CEP128: variants seen among roughly 807,000 people sequenced by gnomAD.
CEP128 encodes the protein centrosomal protein 128kDa.
In CEP128, 132 loss-of-function variants were observed where a neutral mutation model predicts 156.7. The ratio of observed to expected loss-of-function variants is 0.84; its 90% CI spans 0.73 to 0.97. CEP128 has a LOEUF of 0.97. Ranked by LOEUF, CEP128 falls within the 50% of genes least tolerant of loss-of-function variation. The probability of loss-of-function intolerance (pLI) is 0.00; values close to 1 mark genes in which losing one functional copy is unlikely to be tolerated. For synonymous variants in CEP128, 469 were observed against 448.9 expected (o/e 1.04, Z -0.57); for missense variants, 1,252 against 1,281.9 (o/e 0.98, Z 0.36).
intron 3 of CEP128, among the ~76,000 whole-genome samples, chr14:80,914,839 TGAG>T (rs1186619480): frequency 2.0e-5 from 3 of 152,126 alleles, no homozygotes; most frequent in African/African-American, 4.8e-5. Context: ...CCTCAGAACT[TGAG>T]GAGAAGAAAA....
At chr14:80,842,980 G>A (rs1456253324) in intron 9 of CEP128, among the ~76,000 whole-genome samples, 1 of 151,688 alleles carries the variant, frequency 6.6e-6, no homozygotes. Context: ...GTGTCATATC[G>A]TGTATTGTAC....
chr14:80,745,771 A>G (rs897200519), intron 18 of CEP128, among the ~76,000 whole-genome samples: 1 of 152,026 alleles, frequency 6.6e-6, no homozygotes, highest in Non-Finnish European at 1.5e-5. Context: ...ACAAAAAATA[A>G]AAAGAAATAA....
intron 8 of CEP128, among the ~76,000 whole-genome samples, chr14:80,866,412 C>T (rs1199983114): frequency 6.6e-6 from 1 of 152,176 alleles, no homozygotes; most frequent in Non-Finnish European, 1.5e-5. Context: ...AGGTCCCCCA[C>T]AGAAGACCCA....
At chr14:80,869,385 G>GA (rs1278396975) in intron 8 of CEP128, among the ~76,000 whole-genome samples, 1 of 151,808 alleles carries the variant, frequency 6.6e-6, no homozygotes, top group Non-Finnish European at 1.5e-5. Context: ...AAAAGAAAAT[G>GA]AAAAAATTCC....
intron 4 of CEP128, among the ~76,000 whole-genome samples, chr14:80,909,937 T>TA (rs1884112615): frequency 6.6e-6 from 1 of 152,194 alleles, no homozygotes; most frequent in Non-Finnish European, 1.5e-5. Flanking sequence ...AAACTCAATC[T>TA]AACATTTTCT....
intron 19 of CEP128, among the ~76,000 whole-genome samples, chr14:80,704,338 A>G (rs1300941360): frequency 2.6e-5 from 4 of 152,094 alleles, no homozygotes; most frequent in African/African-American, 9.6e-5. Context: ...TTCTAAAAGA[A>G]GAAAAGATGC....
chr14:80,585,327 GT>G (rs1891775290), intron 19 of CEP128, among the ~76,000 whole-genome samples: 2 of 152,218 alleles, frequency 1.3e-5, no homozygotes, highest in Non-Finnish European at 2.9e-5. Context: ...TGATCTGGCT[GT>G]TTAAGGAGGT....
At chr14:80,765,169 G>C (rs1900178631) in intron 16 of CEP128, among the ~76,000 whole-genome samples, 1 of 152,196 alleles carries the variant, frequency 6.6e-6, no homozygotes, top group South Asian at 2.1e-4. Flanking sequence ...CTCTCATAGA[G>C]TCAACAAACA....
rs575173522 is a variant in CEP128, at chr14:80,704,983, A to G, written c.2806+38092T>C. ...AAAGCCACTTAACCACCCCATTCCA[A>G]TAAGTCTGAAGCAAATATCAAACCA... On this transcript the variant is annotated intron_variant, in intron 19 of 24. Transcript: ENST00000555265. Among the ~76,000 whole-genome samples, 7 of 152,174 alleles carry G rather than the reference A, an allele frequency of 4.6e-5. No individual in the cohort carries two copies. The South Asian group carries it at 1.5e-3, about 32-fold the overall frequency.
chr14:80,743,009 T>C, intron 19 of CEP128, 66 bp downstream of exon 19: 4 of 1,468,376 alleles, frequency 2.7e-6, no homozygotes, highest in Non-Finnish European at 3.8e-6. Context: ...TAGGTTTTTT[T>C]CCAATCCTAG....
At chr14:80,522,652 G>A (rs1888796417) in intron 23 of CEP128, among the ~76,000 whole-genome samples, 1 of 152,122 alleles carries the variant, frequency 6.6e-6, no homozygotes, top group South Asian at 2.1e-4. Context: ...GTAATAAATG[G>A]GGATGTCTTG....
At chr14:80,513,116 C>A (rs1888334692) in intron 23 of CEP128, among the ~76,000 whole-genome samples, 1 of 152,090 alleles carries the variant, frequency 6.6e-6, no homozygotes, top group Admixed American at 6.5e-5. Flanking sequence ...CCTTTTACGT[C>A]AGACTGAAGG....
chr14:80,589,608 T>C (rs1382129855), intron 19 of CEP128, among the ~76,000 whole-genome samples: 3 of 152,098 alleles, frequency 2.0e-5, no homozygotes. Context: ...GTTTAGCTCC[T>C]CAAAAATTTC....
At position 80,789,874 on chromosome 14, in the gene CEP128, G is replaced by GTTGTT. The variant is rs532174317; in HGVS notation, c.1560+2881_1560+2885dup. On this transcript the variant is annotated intron_variant, in intron 14 of 24. Coordinates refer to ENST00000555265, the MANE Select transcript of CEP128 (RefSeq NM_152446.5). ...GGGCTTGCTCAATGTTTTTTTTGTT[G>GTTGTT]TTGTTTTGTTTTGTTTTGTTTTTTA... Among the ~76,000 whole-genome samples, 1,248 of 150,384 alleles carry GTTGTT rather than the reference G, an allele frequency of 8.3e-3. 14 individuals carry two copies. The highest frequency in any genetic ancestry group is 0.01 in the Non-Finnish European group (676 of 67,490).
intron 19 of CEP128, among the ~76,000 whole-genome samples, chr14:80,643,567 G>A (rs771561154): frequency 5.0e-4 from 76 of 152,130 alleles, no homozygotes; most frequent in African/African-American, 1.6e-3. Context: ...AAAATTAGTC[G>A]GGTGCAGCGG....
intron 23 of CEP128, among the ~76,000 whole-genome samples, chr14:80,508,548 A>G (rs1398612509): frequency 1.3e-5 from 2 of 152,172 alleles, no homozygotes; most frequent in Non-Finnish European, 2.9e-5. Flanking sequence ...CAAAATTTAC[A>G]ATTGATTCCA....
At chr14:80,776,241 A>C (rs1389997807) in intron 16 of CEP128, among the ~76,000 whole-genome samples, 1 of 152,204 alleles carries the variant, frequency 6.6e-6, no homozygotes, top group African/African-American at 2.4e-5. Context: ...TTCATAAATT[A>C]GAATTTTATT....
intron 8 of CEP128, among the ~76,000 whole-genome samples, chr14:80,868,815 T>C (rs1887895029): frequency 6.6e-6 from 1 of 152,004 alleles, no homozygotes; most frequent in Admixed American, 6.6e-5. Context: ...AAAGGTATTC[T>C]ACACAAATGG....
At chr14:80,911,954 C>A (rs1415014053) in intron 4 of CEP128, among the ~76,000 whole-genome samples, 3 of 152,180 alleles carry the variant, frequency 2.0e-5, no homozygotes, top group Non-Finnish European at 4.4e-5. Context: ...CACGGTGGCT[C>A]GTGCCTGTAA....
Sources: allele counts gnomAD v4.1 joint callset (sites outside exome capture counted in the v4.1 genomes callset), GRCh38; gene constraint gnomAD v4.1.1; transcripts MANE v1.5; gene names NCBI Gene and HGNC (gene_info 2026-07-23, HGNC 2026-07-21).